OR2T6: variants seen among roughly 807,000 people sequenced by gnomAD.
OR2T6 encodes olfactory receptor 2T6.
For missense variants in OR2T6, 424 were observed against 391.6 expected (o/e 1.08, Z -0.70); for synonymous variants, 174 against 148.0 (o/e 1.18, Z -1.27).
rs754343635 is a variant in OR2T6, at chr1:248,388,279, C to G, written c.671C>G (p.Thr224Arg). ...VTASYTRILI[T>R]VHQMTSAEGR... ...GCATCCTACACCAGGATTCTCATCA[C>G]AGTGCATCAGATGACATCGGCTGAA... Residue 224 changes from threonine (T) to arginine (R), a missense_variant, in exon 3 of 3, where the codon ACA becomes AGA. By Grantham distance (71) the Thr-to-Arg change is moderately conservative (BLOSUM62 -1). Transcript: ENST00000641644. The G allele has an allele frequency of 6.2e-7, 1 of 1,613,998 alleles. No homozygotes were observed. Among genetic ancestry groups the G allele is most frequent in the Non-Finnish European group, 8.5e-7 (1 of 1,179,954 alleles).
In OR2T6 at chr1:248,387,963, G is replaced by A. The variant is rs1661173910; in HGVS notation, c.355G>A (p.Ala119Thr). 8 of 1,608,344 alleles carry A rather than the reference G, an allele frequency of 5.0e-6. No homozygotes were observed. The highest frequency in any genetic ancestry group is 1.1e-5 in the South Asian group (1 of 89,828). ...GAEFFLLGLM[A>T]YDRYVAICNP... ...TGAATTCTTCCTGCTGGGGCTCATG[G>A]CCTATGACCGCTACGTGGCCATCTG... The change falls in exon 3 of 3, where the codon GCC becomes ACC. Residue 119 changes from alanine to threonine, a missense_variant. Physicochemically the swap from Ala to Thr is moderately conservative, Grantham distance 58. Coordinates refer to ENST00000641644, the MANE Select transcript of OR2T6 (RefSeq NM_001005471.2).
intron 1 of OR2T6, among the ~76,000 whole-genome samples, chr1:248,377,529 T>C (rs1206429928): frequency 6.6e-6 from 1 of 151,334 alleles, no homozygotes; most frequent in East Asian, 1.9e-4. Context: ...ACAAAGAGAG[T>C]TGTAGAAACA....
intron 2 of OR2T6, among the ~76,000 whole-genome samples, chr1:248,385,805 TG>T (rs1357317847): frequency 6.6e-6 from 1 of 152,222 alleles, no homozygotes; most frequent in African/African-American, 2.4e-5. Context: ...AGATATTGTG[TG>T]TCCTCATTAT....
At chr1:248,386,445 C>A (rs929491693) in intron 2 of OR2T6, among the ~76,000 whole-genome samples, 1 of 152,090 alleles carries the variant, frequency 6.6e-6, no homozygotes, top group Non-Finnish European at 1.5e-5. Flanking sequence ...CCTGGTCTAT[C>A]CCAGTCTAAG....
intron 1 of OR2T6, among the ~76,000 whole-genome samples, chr1:248,377,181 C>T (rs1268153684): frequency 6.6e-6 from 1 of 152,194 alleles, no homozygotes; most frequent in East Asian, 1.9e-4. Flanking sequence ...CTACATATTC[C>T]TATTGCCTTC....
Position 248,390,212 on chromosome 1 carries a change from C to T in OR2T6, c.*1677C>T, listed in dbSNP as rs758930128. The T allele has an allele frequency of 1.3e-5, 2 of 152,146 alleles. No homozygotes were observed. The highest frequency in any genetic ancestry group is 6.5e-5 in the Admixed American group (1 of 15,284). 9.4% of individuals were successfully genotyped at this position (152,146 alleles called of 1,614,324 possible). A position where few individuals can be genotyped will look rare whatever the true frequency, so the allele number is the denominator to read the frequency against. On this transcript the variant is annotated 3_prime_UTR_variant, in exon 3 of 3. Transcript: ENST00000641644. ...AAGTCTTTTTCTAAGATGGAGTTGG[C>T]TACGTCAAGGGTGTTCTATACACTT...
chr1:248,380,540 G>T (rs1474423507), intron 1 of OR2T6, among the ~76,000 whole-genome samples: 2 of 151,450 alleles, frequency 1.3e-5, no homozygotes, highest in African/African-American at 4.8e-5. Context: ...TAATGTATTG[G>T]GTTGAATCTT....
rs191422655 is a variant in OR2T6 at position 248,390,925 on chromosome 1, G to A, written c.*2390G>A. On this transcript the variant is annotated 3_prime_UTR_variant, in exon 3 of 3. Transcript: ENST00000641644. ...AGATTTTAAAATCAAGTAAAATGATGAATGTAATAAAACCTTATAAATGCT... is the reference window on the plus strand; with the variant it reads ...AGATTTTAAAATCAAGTAAAATGATAAATGTAATAAAACCTTATAAATGCT... 15 of 152,224 alleles carry A rather than the reference G, an allele frequency of 9.9e-5. No individual in the cohort carries two copies. Among genetic ancestry groups the A allele is most frequent in the Non-Finnish European group, 1.6e-4 (11 of 68,006 alleles). 9.4% of individuals were successfully genotyped at this position (152,224 alleles called of 1,614,324 possible). A position where few individuals can be genotyped will look rare whatever the true frequency, so the allele number is the denominator to read the frequency against.
chr1:248,381,017 G>A (rs1353785287), intron 1 of OR2T6, among the ~76,000 whole-genome samples: 1 of 151,888 alleles, frequency 6.6e-6, no homozygotes, highest in Non-Finnish European at 1.5e-5. Context: ...CACTTTGAAA[G>A]CGGATGTTTA....
In OR2T6 at chr1:248,383,692, C is replaced by T. The variant is rs868669685; in HGVS notation, c.-158-1019C>T. ...AAAGCACTGCACTAGCCTGAGTGTG[C>T]TCATCCTATCCTGATGTGTTTCCTA... is the stretch of plus-strand genomic sequence containing the variant. On this transcript the variant is annotated intron_variant, in intron 1 of 2. Coordinates refer to ENST00000641644, the MANE Select transcript of OR2T6 (RefSeq NM_001005471.2). 5.7e-4 allele frequency among the ~76,000 whole-genome samples: 56 copies of T among 98,818 alleles called. 2 individuals carry two copies. The highest frequency in any genetic ancestry group is 5.1e-3 in the African/African-American group (50 of 9,722). The allele number at this position is 98,818 out of a possible 152,430, so 64.8% of individuals were successfully genotyped here. A position where few individuals can be genotyped will look rare whatever the true frequency, so the allele number is the denominator to read the frequency against.
intron 1 of OR2T6, among the ~76,000 whole-genome samples, chr1:248,377,726 G>A (rs1660959459): frequency 2.0e-5 from 3 of 152,174 alleles, no homozygotes; most frequent in Admixed American, 6.5e-5. Context: ...CAGATTCACG[G>A]ATGCTCTGGT....
Position 248,390,563 on chromosome 1 carries a change from C to G in OR2T6, c.*2028C>G, listed in dbSNP as rs1250571241. ...TGAGCACTTAATCAAGAAAATAGAC[C>G]AGGTCTTGCCTAACAGAGCAGGGTT... On this transcript the variant is annotated 3_prime_UTR_variant, in exon 3 of 3. Coordinates refer to ENST00000641644, the MANE Select transcript of OR2T6 (RefSeq NM_001005471.2). 6.6e-6 allele frequency: 1 copy of G among 152,162 alleles called. No individual in the cohort carries two copies. The highest frequency in any genetic ancestry group is 1.5e-5 in the Non-Finnish European group (1 of 68,028). The allele number at this position is 152,162 out of a possible 1,614,324, so 9.4% of individuals were successfully genotyped here.
chr1:248,391,384 T>C lies in OR2T6; in HGVS notation c.*2849T>C, dbSNP rs374150643. The C allele has an allele frequency of 1.3e-5, 2 of 152,340 alleles. No homozygotes were observed. The highest frequency in any genetic ancestry group is 1.9e-4 in the East Asian group (1 of 5,192). The allele number at this position is 152,340 out of a possible 1,614,324, so 9.4% of individuals were successfully genotyped here. A position where few individuals can be genotyped will look rare whatever the true frequency, so the allele number is the denominator to read the frequency against. ...TCTGAAAAGGCTGCATACTGTGTGA[T>C]TCCAGCTGCATGACATCCTGGAAAA... On this transcript the variant is annotated 3_prime_UTR_variant, in exon 3 of 3. Coordinates refer to ENST00000641644, the MANE Select transcript of OR2T6 (RefSeq NM_001005471.2).
rs1661249944 is a variant in OR2T6, at chr1:248,391,605, C to T, written c.*3070C>T. The T allele has an allele frequency of 2.0e-5, 3 of 152,126 alleles. No individual in the cohort carries two copies. In the South Asian group the frequency reaches 6.2e-4, roughly 32 times the overall value. 9.4% of individuals were successfully genotyped at this position (152,126 alleles called of 1,614,324 possible). A position where few individuals can be genotyped will look rare whatever the true frequency, so the allele number is the denominator to read the frequency against. ...AACATACAACTCTGGAACAGAAAGA[C>T]TCATCCTTATGTAAAATATGAACTA... On this transcript the variant is annotated 3_prime_UTR_variant, in exon 3 of 3. Transcript: ENST00000641644.
chr1:248,384,375 A>C (rs1458092237), intron 1 of OR2T6, among the ~76,000 whole-genome samples: 1 of 103,956 alleles, frequency 9.6e-6, no homozygotes, highest in Non-Finnish European at 1.7e-5. Context: ...GAGTGTGCTC[A>C]TCCTATCCTG....
At position 248,387,842 on chromosome 1, in the gene OR2T6, G is replaced by T. The variant is rs772633288; in HGVS notation, c.234G>T (p.Val78=). ...ACACATTATACATCTCCACCATTGT[G>T]CCCAAGATGCTGGTAGATTATCTCA... ...VIDTLYISTI[V]PKMLVDYLMG... is the part of the protein sequence containing the mutation. The change falls in exon 3 of 3, where the codon GTG becomes GTT. Residue 78 remains valine, a synonymous_variant. Transcript: ENST00000641644. The T allele has an allele frequency of 4.4e-5, 71 of 1,601,126 alleles. No homozygotes were observed. Among genetic ancestry groups the T allele is most frequent in the Non-Finnish European group, 5.5e-5 (64 of 1,170,636 alleles).
rs41308164 is a variant in OR2T6, at chr1:248,387,708, G to A, written c.100G>A (p.Val34Ile). Residue 34 changes from valine to isoleucine, a missense_variant, in exon 3 of 3, where the codon GTC becomes ATC. Coordinates refer to ENST00000641644, the MANE Select transcript of OR2T6 (RefSeq NM_001005471.2). ...ATTCTTTTTCGGTGTCATTTGTGCC[G>A]TCTTCTTCATGGCCATGATAGCTAA... is the stretch of plus-strand genomic sequence containing the variant. ...SGFFFGVICA[V>I]FFMAMIANGV... is the part of the protein sequence containing the mutation. The A allele has an allele frequency of 0.016, 26,465 of 1,613,404 alleles. 288 individuals are homozygous for A. Among genetic ancestry groups the A allele is most frequent in the Non-Finnish European group, 0.019 (22,209 of 1,179,574 alleles).
intron 2 of OR2T6, among the ~76,000 whole-genome samples, chr1:248,386,867 G>T (rs1661143513): frequency 6.6e-6 from 1 of 152,124 alleles, no homozygotes. Flanking sequence ...GCCCTTATTT[G>T]CATTACCTGG....
chr1:248,379,410 G>A (rs1319588406), intron 1 of OR2T6, among the ~76,000 whole-genome samples: 1 of 152,134 alleles, frequency 6.6e-6, no homozygotes, highest in East Asian at 1.9e-4. Context: ...AGAGGTGCCA[G>A]GAATTGACAG....
Sources: gnomAD v4.1 joint callset for allele counts (sites outside exome capture counted in the v4.1 genomes callset) on GRCh38, gnomAD v4.1.1 for gene constraint, MANE v1.5 for transcripts, NCBI Gene and HGNC (gene_info 2026-07-23, HGNC 2026-07-21) for gene names.